Variants in TENM2 observed in about 807,000 individuals in gnomAD.
TENM2 encodes teneurin transmembrane protein 2, also known as teneurin-2.
A neutral mutation model predicts 245.2 loss-of-function variants in TENM2; 52 were observed. That is an observed-to-expected ratio of 0.21 (90% CI 0.17 to 0.27). TENM2 has a LOEUF of 0.27. Among genes scored for constraint, TENM2 ranks in the 10% least tolerant of loss-of-function variants. TENM2 has a pLI of 1.00. For synonymous variants in TENM2, 1,363 were observed against 1,438.9 expected, an observed-to-expected ratio of 0.95 and a Z score of 1.19; for missense variants, 3,046 against 3,666.8, an observed-to-expected ratio of 0.83 and a Z score of 4.37.
chr5:167,285,102 C>G (rs1371289743), intron 1 of TENM2, 39 bp downstream of exon 3: 1 of 1,462,088 alleles, frequency 6.8e-7, no homozygotes, highest in South Asian at 1.2e-5. Context: ...TCTCAACTGT[C>G]TAACTTACTT....
chr5:167,067,336 A>C, the TENM2 span, among the ~76,000 whole-genome samples: 1 of 152,090 alleles, frequency 6.6e-6, no homozygotes, highest in Non-Finnish European at 1.5e-5. Flanking sequence ...CTTTGAACAT[A>C]AGCTTTGTCA....
chr5:167,872,066 G>A (rs1411754761), intron 2 of TENM2, among the ~76,000 whole-genome samples: 1 of 152,022 alleles, frequency 6.6e-6, no homozygotes, highest in Non-Finnish European at 1.5e-5. Context: ...GGCTGAGGCA[G>A]GTGGAGGCTT....
Position 167,354,629 on chromosome 5 carries a change from A to G in TENM2, c.227-20569A>G, listed in dbSNP as rs1398402833. 1.3e-5 allele frequency among the ~76,000 whole-genome samples: 2 copies of G among 152,164 alleles called. 1 individual carries two copies. The highest frequency in any genetic ancestry group is 2.9e-5 in the Non-Finnish European group (2 of 68,030). On this transcript the variant is annotated intron_variant, in intron 1 of 28. Transcript: ENST00000518659. Reference sequence around the variant, plus strand: ...TTCTAGAAAGCATGGCTTGTGAGAGAGTATATAGCCTTTGAAGTCAAAAAA... The same window carrying G: ...TTCTAGAAAGCATGGCTTGTGAGAGGGTATATAGCCTTTGAAGTCAAAAAA...
At chr5:167,468,398 T>A (rs1379426213) in intron 2 of TENM2, among the ~76,000 whole-genome samples, 1 of 152,242 alleles carries the variant, frequency 6.6e-6, no homozygotes, top group Admixed American at 6.5e-5. Context: ...AGGTGAATTT[T>A]AATAATTAGA....
chr5:167,064,631 A>G, the TENM2 span, among the ~76,000 whole-genome samples: 1 of 152,190 alleles, frequency 6.6e-6, no homozygotes, highest in African/African-American at 2.4e-5. Flanking sequence ...AATTCCCCAG[A>G]GGATTTAGTT....
the TENM2 span, among the ~76,000 whole-genome samples, chr5:167,078,798 T>G: frequency 1.3e-5 from 2 of 152,174 alleles, no homozygotes; most frequent in African/African-American, 4.8e-5. Flanking sequence ...TATAAACTAT[T>G]GATTTCTTAA....
chr5:167,794,450 G>A (rs1765188618), intron 2 of TENM2, among the ~76,000 whole-genome samples: 1 of 152,158 alleles, frequency 6.6e-6, no homozygotes, highest in South Asian at 2.1e-4. Context: ...CATTTGTGAT[G>A]GCTCCTTTAC....
At chr5:168,106,191 A>G (rs1230621331) in intron 9 of TENM2, among the ~76,000 whole-genome samples, 1 of 152,188 alleles carries the variant, frequency 6.6e-6, no homozygotes, top group Non-Finnish European at 1.5e-5. Context: ...GGGAACATAA[A>G]GTCTTCTCTC....
intron 2 of TENM2, among the ~76,000 whole-genome samples, chr5:167,795,958 C>G (rs1310181229): frequency 6.6e-6 from 1 of 152,100 alleles, no homozygotes; most frequent in Middle Eastern, 3.2e-3. Flanking sequence ...TGTTCTTCTT[C>G]TTGTTACTTT....
intron 2 of TENM2, among the ~76,000 whole-genome samples, chr5:167,391,645 A>ATG (rs1193719481): frequency 4.5e-4 from 67 of 148,636 alleles, no homozygotes; most frequent in African/African-American, 1.6e-3. Flanking sequence ...AAAAAAAAAA[A>ATG]AAGCACTCTC....
At chr5:167,632,253 T>C (rs1019820824) in intron 2 of TENM2, among the ~76,000 whole-genome samples, 7 of 152,204 alleles carry the variant, frequency 4.6e-5, no homozygotes, top group Admixed American at 6.5e-5. Flanking sequence ...CAAGTTATCA[T>C]GGGCCATGAT....
intron 1 of TENM2, among the ~76,000 whole-genome samples, chr5:167,321,639 G>C (rs1271907275): frequency 6.6e-6 from 1 of 152,112 alleles, no homozygotes; most frequent in Non-Finnish European, 1.5e-5. Flanking sequence ...GGCTGGGGCA[G>C]CCAAAATATC....
intron 3 of TENM2, among the ~76,000 whole-genome samples, chr5:167,904,531 A>G (rs1775942079): frequency 6.6e-6 from 1 of 152,152 alleles, no homozygotes; most frequent in Admixed American, 6.5e-5. Context: ...AGTCCCTACC[A>G]CACGCTGGAT....
chr5:167,825,105 T>G (rs1336070615), intron 2 of TENM2, among the ~76,000 whole-genome samples: 2 of 152,170 alleles, frequency 1.3e-5, no homozygotes, highest in African/African-American at 2.4e-5. Flanking sequence ...CATATTCCTA[T>G]CTGGATTTAT....
chr5:168,046,691 C>T (rs1788637789), intron 5 of TENM2, among the ~76,000 whole-genome samples: 1 of 152,136 alleles, frequency 6.6e-6, no homozygotes, highest in Admixed American at 6.5e-5. Flanking sequence ...TTTCAGAACT[C>T]TGTTTCATTC....
At position 168,161,817 on chromosome 5, in the gene TENM2, T is replaced by TACACACACACACAC. The variant is rs113801768; in HGVS notation, c.2423-780_2423-767dup. On this transcript the variant is annotated intron_variant, in intron 12 of 28. Coordinates refer to ENST00000518659, the Ensembl canonical transcript of TENM2. ...TTGCACAGACACGTGAGCGCATGTA[T>TACACACACACACAC]ACACACACACACACACACACACACA... Among the ~76,000 whole-genome samples, 787 of 147,350 alleles carry TACACACACACACAC rather than the reference T, an allele frequency of 5.3e-3. 15 individuals are homozygous for TACACACACACACAC. The highest frequency in any genetic ancestry group is 0.018 in the African/African-American group (709 of 39,770).
chr5:167,427,192 G>A (rs1582011588), intron 2 of TENM2, among the ~76,000 whole-genome samples: 1 of 152,102 alleles, frequency 6.6e-6, no homozygotes, highest in Admixed American at 6.5e-5. Flanking sequence ...GGTGGCTCAC[G>A]GCTGTAATAC....
intron 1 of TENM2, among the ~76,000 whole-genome samples, chr5:167,312,117 A>T (rs1756067179): frequency 6.6e-6 from 1 of 152,232 alleles, no homozygotes; most frequent in South Asian, 2.1e-4. Context: ...TGTTGTATAC[A>T]TACACATATG....
At chr5:168,068,923 G>T (rs543983695) in intron 7 of TENM2, among the ~76,000 whole-genome samples, 1 of 151,800 alleles carries the variant, frequency 6.6e-6, no homozygotes, top group South Asian at 2.1e-4. Flanking sequence ...ACAAAGAGAG[G>T]ATACAGATGA....
Sources: gnomAD v4.1 joint callset for allele counts (sites outside exome capture counted in the v4.1 genomes callset) on GRCh38, gnomAD v4.1.1 for gene constraint, MANE v1.5 for transcripts, NCBI Gene and HGNC (gene_info 2026-07-23, HGNC 2026-07-21) for gene names.